Variants in MTX2 observed in about 807,000 individuals in gnomAD.
The protein encoded by MTX2 is metaxin 2, also known as metaxin-2.
A neutral mutation model predicts 42.3 loss-of-function variants in MTX2; 35 were observed. The ratio of observed to expected loss-of-function variants is 0.83; its 90% CI spans 0.63 to 1.10. The LOEUF is 1.10. Ranked by LOEUF, MTX2 falls within the 50% of genes least tolerant of loss-of-function variation. The pLI, the probability that MTX2 is intolerant of heterozygous loss-of-function variation, is 0.00. For missense variants in MTX2, 307 were observed against 304.1 expected (o/e 1.01, Z -0.07); for synonymous variants, 119 against 100.9 (o/e 1.18, Z -1.08).
At chr2:176,294,365 A>G (rs965860385) in intron 1 of MTX2, among the ~76,000 whole-genome samples, 1 of 150,260 alleles carries the variant, frequency 6.7e-6, no homozygotes, top group Non-Finnish European at 1.5e-5. Context: ...GCTCACAGCA[A>G]CCTCTGCCTC....
chr2:176,279,490 T>C (rs1693030300), intron 1 of MTX2, among the ~76,000 whole-genome samples: 1 of 152,164 alleles, frequency 6.6e-6, no homozygotes, highest in Non-Finnish European at 1.5e-5. Context: ...TTTGGCATTA[T>C]GAATTATAAG....
intron 3 of MTX2, among the ~76,000 whole-genome samples, chr2:176,306,506 G>A (rs1030813283): frequency 4.6e-5 from 7 of 152,198 alleles, no homozygotes; most frequent in African/African-American, 1.2e-4. Context: ...CAATGGTTGA[G>A]CTAATTTACA....
chr2:176,269,768 A>T, intron 1 of MTX2, 99 bp downstream of exon 1: 1 of 1,382,058 alleles, frequency 7.2e-7, no homozygotes, highest in Admixed American at 2.6e-5. Flanking sequence ...GCGGCATTAT[A>T]CGCTGAACCC....
intron 3 of MTX2, among the ~76,000 whole-genome samples, chr2:176,320,659 C>A (rs1219738327): frequency 6.6e-6 from 1 of 151,892 alleles, no homozygotes; most frequent in African/African-American, 2.4e-5. Flanking sequence ...ACAGATCTCT[C>A]CAGCTAAGGT....
intron 9 of MTX2, among the ~76,000 whole-genome samples, chr2:176,334,584 T>G (rs1684942806): frequency 6.6e-6 from 1 of 151,890 alleles, no homozygotes; most frequent in South Asian, 2.1e-4. Flanking sequence ...AACTATACTG[T>G]TGGCTACCCA....
chr2:176,313,652 C>G (rs868251689), intron 3 of MTX2, among the ~76,000 whole-genome samples: 2 of 152,162 alleles, frequency 1.3e-5, no homozygotes, highest in Non-Finnish European at 1.5e-5. Context: ...CTTGACCTCC[C>G]AAGGTGCTGG....
chr2:176,311,218 TC>T (rs1475636448), intron 3 of MTX2, among the ~76,000 whole-genome samples: 3 of 152,172 alleles, frequency 2.0e-5, no homozygotes, highest in Non-Finnish European at 4.4e-5. Flanking sequence ...TGCCTGGGTA[TC>T]ACCAGTGGAG....
intron 1 of MTX2, among the ~76,000 whole-genome samples, chr2:176,290,753 T>G (rs975210645): frequency 3.3e-5 from 5 of 151,940 alleles, no homozygotes; most frequent in Admixed American, 6.6e-5. Context: ...AACTAGTTTT[T>G]TTTTTTTTTT....
At chr2:176,294,475 C>T (rs1049089269) in intron 1 of MTX2, among the ~76,000 whole-genome samples, 1 of 151,880 alleles carries the variant, frequency 6.6e-6, no homozygotes, top group African/African-American at 2.4e-5. Flanking sequence ...GTGGAGATGG[C>T]CATCTTGGCC....
At chr2:176,276,437 G>A (rs1466633955) in intron 1 of MTX2, among the ~76,000 whole-genome samples, 1 of 152,044 alleles carries the variant, frequency 6.6e-6, no homozygotes, top group Non-Finnish European at 1.5e-5. Context: ...GGTCTTGTTA[G>A]GTATTTTGTG....
intron 8 of MTX2, 22 bp from the exon 9 acceptor site, chr2:176,330,562 T>G (rs1287403018): frequency 6.6e-7 from 1 of 1,507,970 alleles, no homozygotes; most frequent in Admixed American, 2.0e-5. Flanking sequence ...TACTTTTCCT[T>G]GGGGTTCATT....
At chr2:176,278,041 G>GTTTTTTT (rs59379339) in intron 1 of MTX2, among the ~76,000 whole-genome samples, 3 of 84,836 alleles carry the variant, frequency 3.5e-5, no homozygotes, top group Non-Finnish European at 6.3e-5. Context: ...GTTGAAACTG[G>GTTTTTTT]TTTTTTTTTT....
rs559073224 is a variant in MTX2 at position 176,328,756 on chromosome 2, C to T, written c.379-118C>T. The T allele has an allele frequency of 5.4e-5, 47 of 873,058 alleles. 1 individual carries two copies. In the South Asian group the frequency reaches 5.9e-4, roughly 11 times the overall value. 54.1% of individuals were successfully genotyped at this position (873,058 alleles called of 1,614,324 possible). A position where few individuals can be genotyped will look rare whatever the true frequency, so the allele number is the denominator to read the frequency against. On this transcript the variant is annotated intron_variant, in intron 6 of 9. Coordinates refer to ENST00000249442, the MANE Select transcript of MTX2 (RefSeq NM_006554.5). ...TGGATAGCAGCTAAGAAAAACAAAC[C>T]GCTACATGTGTGACTTATGAAATTA...
intron 9 of MTX2, 25 bp downstream of exon 9, chr2:176,330,685 T>C (rs775273506): frequency 5.2e-6 from 8 of 1,539,826 alleles, no homozygotes; most frequent in Non-Finnish European, 7.1e-6. Context: ...TTTTTTAAAG[T>C]TAATTTTCTG....
intron 3 of MTX2, among the ~76,000 whole-genome samples, chr2:176,320,160 A>G (rs1434395879): frequency 6.6e-6 from 1 of 152,110 alleles, no homozygotes; most frequent in African/African-American, 2.4e-5. Flanking sequence ...TGGGACTAAG[A>G]AGCATGGGTT....
intron 1 of MTX2, among the ~76,000 whole-genome samples, chr2:176,291,826 C>T (rs1040374588): frequency 6.6e-6 from 1 of 151,896 alleles, no homozygotes. Context: ...TTGTTCCAGG[C>T]AGAAGAAACT....
intron 3 of MTX2, among the ~76,000 whole-genome samples, chr2:176,305,916 T>C (rs1017446695): frequency 2.0e-5 from 3 of 152,092 alleles, no homozygotes; most frequent in Non-Finnish European, 2.9e-5. Context: ...CATAGATCAT[T>C]ATTATTATTT....
intron 8 of MTX2, among the ~76,000 whole-genome samples, chr2:176,330,031 A>G (rs1256582929): frequency 1.3e-5 from 2 of 151,094 alleles, no homozygotes; most frequent in African/African-American, 4.8e-5. Context: ...TACCCTTAAT[A>G]CTAGCCAGCC....
At chr2:176,321,476 G>A (rs1488186801) in intron 3 of MTX2, among the ~76,000 whole-genome samples, 14 of 152,124 alleles carry the variant, frequency 9.2e-5, no homozygotes, top group Non-Finnish European at 1.5e-5. Flanking sequence ...ACCCAATATA[G>A]TGGTAGCTTA....
Sources: allele counts gnomAD v4.1 joint callset (sites outside exome capture counted in the v4.1 genomes callset), GRCh38; gene constraint gnomAD v4.1.1; transcripts MANE v1.5; gene names NCBI Gene and HGNC (gene_info 2026-07-23, HGNC 2026-07-21).